The following TFCP2 variants were observed in gnomAD, a reference collection of about 807,000 sequenced individuals.
TFCP2 encodes transcription factor CP2, also known as alpha-globin transcription factor CP2.
TFCP2 carries 33 observed loss-of-function variants against 73.4 expected under a neutral mutation model. The ratio of observed to expected loss-of-function variants is 0.45; its 90% confidence interval spans 0.34 to 0.60. TFCP2 has a LOEUF of 0.60. TFCP2 is among the 20% of genes least tolerant of loss of function. The probability of loss-of-function intolerance (pLI) is 0.01; values close to 1 mark genes in which losing one functional copy is unlikely to be tolerated. For synonymous variants in TFCP2, 193 were observed against 211.6 expected, an observed-to-expected ratio of 0.91 and a Z score of 0.76; for missense variants, 352 against 604.0, an observed-to-expected ratio of 0.58 and a Z score of 4.37.
At chr12:51,133,001 G>A (rs1940982573) in intron 1 of TFCP2, among the ~76,000 whole-genome samples, 1 of 152,122 alleles carries the variant, frequency 6.6e-6, no homozygotes, top group African/African-American at 2.4e-5. Context: ...GAGCCACTAA[G>A]TTTTTGTGCG....
intron 1 of TFCP2, chr12:51,124,729 C>T (rs920953228): frequency 2.8e-6 from 2 of 703,510 alleles, no homozygotes; most frequent in East Asian, 2.8e-5. Context: ...GCCTTGGAGT[C>T]GCCCTCAGCA....
Position 51,097,249 on chromosome 12 carries a change from C to CTTCTTTTT in TFCP2, c.1420-1217_1420-1210dup, listed in dbSNP as rs538985460. Among the ~76,000 whole-genome samples, 362 of 151,792 alleles carry CTTCTTTTT rather than the reference C, an allele frequency of 2.4e-3. 1 individual carries two copies. Among genetic ancestry groups the CTTCTTTTT allele is most frequent in the African/African-American group, 8.2e-3 (339 of 41,270 alleles). Reference sequence around the variant, plus strand: ...ACAGGTGTGAGCCACTGTGCCTGGCCTTCTTTTTTTCTTTTTTTGGATGAA... The same window carrying CTTCTTTTT: ...ACAGGTGTGAGCCACTGTGCCTGGCCTTCTTTTTTTCTTTTTTTCTTTTTTTGGATGAA... On this transcript the variant is annotated intron_variant, in intron 13 of 14. Transcript: ENST00000257915.
chr12:51,095,826 A>G (rs1939950656), intron 14 of TFCP2, among the ~76,000 whole-genome samples, 163 bp downstream of exon 14: 1 of 151,218 alleles, frequency 6.6e-6, no homozygotes, highest in African/African-American at 2.4e-5. Context: ...AAAAAAAAAA[A>G]AAAAAAAAAG....
chr12:51,162,812 T>C (rs1015680501), intron 1 of TFCP2: 3 of 152,182 alleles, frequency 2.0e-5, no homozygotes, highest in Non-Finnish European at 2.9e-5. Flanking sequence ...TTGGTATGTA[T>C]GTTTTCCTTT....
Position 51,173,132 on chromosome 12 carries a change from GA to G in TFCP2, c.-711del, listed in dbSNP as rs1335557138. On this transcript the variant is annotated 5_prime_UTR_variant, in exon 1 of 15. Transcript: ENST00000257915. ...CGTCCTCTTTCCTCGCCTGCCCGGC[GA>G]ACATGACGTCACGCTGTCGTTCGCC... 6.6e-6 allele frequency: 1 copy of G among 152,316 alleles called. No homozygotes were observed. The highest frequency in any genetic ancestry group is 2.1e-4 in the South Asian group (1 of 4,856). The allele number at this position is 152,316 out of a possible 1,614,324, so 9.4% of individuals were successfully genotyped here.
intron 8 of TFCP2, among the ~76,000 whole-genome samples, chr12:51,104,959 G>A (rs566096435): frequency 3.3e-5 from 5 of 151,946 alleles, no homozygotes; most frequent in East Asian, 3.9e-4. Flanking sequence ...TGATCCGCCC[G>A]CCTCCGCCTC....
chr12:51,124,618 G>C (rs78208051), intron 1 of TFCP2: 2 of 535,824 alleles, frequency 3.7e-6, no homozygotes, highest in African/African-American at 3.8e-5. Context: ...CTGCCCCGCC[G>C]GCAGGTAGGT....
At position 51,132,515 on chromosome 12, in the gene TFCP2, T is replaced by A. The variant is rs1043760077; in HGVS notation, c.123-13743A>T. 3.3e-5 allele frequency among the ~76,000 whole-genome samples: 5 copies of A among 151,498 alleles called. No homozygotes were observed. In the East Asian group the frequency reaches 9.7e-4, roughly 29 times the overall value. On this transcript the variant is annotated intron_variant, in intron 1 of 14. Coordinates refer to ENST00000257915, the MANE Select transcript of TFCP2 (RefSeq NM_005653.5). ...TCCCGAGCAGCTGGGATTACAGGCA[T>A]GTACCACCATGTCTGGCTAATTTTT...
intron 1 of TFCP2, among the ~76,000 whole-genome samples, chr12:51,150,987 A>G (rs1941410101): frequency 6.6e-6 from 1 of 152,144 alleles, no homozygotes; most frequent in African/African-American, 2.4e-5. Flanking sequence ...GAGGGGGTAA[A>G]GAAAGCAAGG....
At chr12:51,139,179 C>A (rs1373092046) in intron 1 of TFCP2, among the ~76,000 whole-genome samples, 1 of 152,172 alleles carries the variant, frequency 6.6e-6, no homozygotes, top group Non-Finnish European at 1.5e-5. Context: ...CTCTAACCTG[C>A]AGCCAGAGTA....
chr12:51,162,445 C>CA (rs34045047), intron 1 of TFCP2, among the ~76,000 whole-genome samples: 28,078 of 109,402 alleles, frequency 0.26, 2,933 homozygotes, highest in Middle Eastern at 0.34. Flanking sequence ...GACTCCATCT[C>CA]AAAAAAAAAA....
intron 1 of TFCP2, among the ~76,000 whole-genome samples, chr12:51,157,681 C>CTTT (rs770963610): frequency 0.03 from 2,278 of 77,166 alleles, 365 homozygotes; most frequent in Non-Finnish European, 0.041. Flanking sequence ...TTTTTCTTTT[C>CTTT]TTTTCTTTTT....
In TFCP2 at chr12:51,116,305, C is replaced by G; in HGVS notation, c.457+10G>C. Reference sequence around the variant, plus strand: ...AGGCATTTCCTAGGCAATAGATTCTCTTAACTCACCTATGTCAAGAATTCT... The same window carrying G: ...AGGCATTTCCTAGGCAATAGATTCTGTTAACTCACCTATGTCAAGAATTCT... On this transcript the variant is annotated intron_variant, in intron 4 of 14. Transcript: ENST00000257915. 6.5e-7 allele frequency: 1 copy of G among 1,544,912 alleles called. No homozygotes were observed. The highest frequency in any genetic ancestry group is 2.3e-5 in the East Asian group (1 of 44,372).
chr12:51,127,755 T>C (rs949607986), intron 1 of TFCP2, among the ~76,000 whole-genome samples: 2 of 152,166 alleles, frequency 1.3e-5, no homozygotes, highest in Non-Finnish European at 2.9e-5. Context: ...AGGGTGCCTA[T>C]CTCTCTAAAT....
At chr12:51,167,079 G>C (rs945917171) in intron 1 of TFCP2, among the ~76,000 whole-genome samples, 2 of 152,060 alleles carry the variant, frequency 1.3e-5, no homozygotes, top group African/African-American at 4.8e-5. Flanking sequence ...ATATGTATGT[G>C]GTCTTTTGTG....
At chr12:51,123,934 A>G (rs1940741329) in intron 1 of TFCP2, among the ~76,000 whole-genome samples, 1 of 152,184 alleles carries the variant, frequency 6.6e-6, no homozygotes, top group Non-Finnish European at 1.5e-5. Flanking sequence ...AACCTAAACT[A>G]AGCTATGTTA....
rs1392118472 is a variant in TFCP2, at chr12:51,172,510, G to C, written c.-88C>G. Reference sequence around the variant, plus strand: ...ACCCAACAGGAGTAACGCAAACCAAGAAAACTACAAACCAAGGTTTCCCAC... The same window carrying C: ...ACCCAACAGGAGTAACGCAAACCAACAAAACTACAAACCAAGGTTTCCCAC... On this transcript the variant is annotated 5_prime_UTR_variant, in exon 1 of 15. Transcript: ENST00000257915. The C allele has an allele frequency of 2.5e-6, 4 of 1,574,728 alleles. No individual in the cohort carries two copies. Among genetic ancestry groups the C allele is most frequent in the Non-Finnish European group, 3.4e-6 (4 of 1,160,528 alleles).
chr12:51,114,124 A>C (rs992850315), intron 4 of TFCP2, among the ~76,000 whole-genome samples: 1 of 152,218 alleles, frequency 6.6e-6, no homozygotes, highest in Non-Finnish European at 1.5e-5. Context: ...TAGTGCATCA[A>C]AGGATAGTAT....
chr12:51,099,812 A>G (rs1940065116), intron 11 of TFCP2, 33 bp from the exon 12 acceptor site: 1 of 1,609,144 alleles, frequency 6.2e-7, no homozygotes, highest in Non-Finnish European at 8.5e-7. Flanking sequence ...TTAGTCTTAC[A>G]TTCTTTATGG....
Sources: gnomAD v4.1 joint callset for allele counts (sites outside exome capture counted in the v4.1 genomes callset) on GRCh38, gnomAD v4.1.1 for gene constraint, MANE v1.5 for transcripts, NCBI Gene and HGNC (gene_info 2026-07-23, HGNC 2026-07-21) for gene names.